PCDHA7: variants seen among roughly 807,000 people sequenced by gnomAD.
PCDHA7 encodes the protein protocadherin alpha 7, also known as protocadherin alpha-7.
PCDHA7 carries 37 observed loss-of-function variants against 57.2 expected under a neutral mutation model. The ratio of observed to expected loss-of-function variants is 0.65; its 90% CI spans 0.50 to 0.85. PCDHA7 has a LOEUF of 0.85. PCDHA7 is among the 40% of genes least tolerant of loss of function. The pLI, the probability that PCDHA7 is intolerant of heterozygous loss-of-function variation, is 0.00. For missense variants in PCDHA7, 1,188 were observed against 1,241.8 expected (o/e 0.96, Z 0.65); for synonymous variants, 553 against 558.8 (o/e 0.99, Z 0.15).
At chr5:140,988,294 G>A (rs2097291713) in intron 3 of PCDHA7, among the ~76,000 whole-genome samples, 1 of 152,206 alleles carries the variant, frequency 6.6e-6, no homozygotes, top group South Asian at 2.1e-4. Context: ...TGACAGCCCA[G>A]GAGTGCCAGC....
intron 1 of PCDHA7, chr5:140,875,947 G>A: frequency 6.2e-7 from 1 of 1,614,184 alleles, no homozygotes; most frequent in South Asian, 1.1e-5. Context: ...GGGCGCTTCT[G>A]ATGCGGATAT....
intron 1 of PCDHA7, chr5:140,875,272 A>G: frequency 1.6e-6 from 2 of 1,265,056 alleles, no homozygotes; most frequent in Non-Finnish European, 2.1e-6. Context: ...CTCTACACTC[A>G]GAAGGTGAAA....
intron 3 of PCDHA7, among the ~76,000 whole-genome samples, chr5:140,986,426 T>C (rs1405347449): frequency 1.3e-5 from 2 of 152,216 alleles, no homozygotes; most frequent in East Asian, 3.9e-4. Context: ...TTTAACTTCA[T>C]GAGTACTAAT....
chr5:140,938,760 T>C (rs574872397), intron 1 of PCDHA7, among the ~76,000 whole-genome samples: 2 of 152,286 alleles, frequency 1.3e-5, no homozygotes, highest in Admixed American at 1.3e-4. Flanking sequence ...GCATAGTTAT[T>C]GGGTACTAGA....
intron 1 of PCDHA7, among the ~76,000 whole-genome samples, chr5:140,940,295 G>A (rs1363509137): frequency 5.3e-5 from 8 of 152,110 alleles, no homozygotes; most frequent in Non-Finnish European, 1.0e-4. Flanking sequence ...TGCTTCATCA[G>A]TAATTTATTA....
intron 1 of PCDHA7, among the ~76,000 whole-genome samples, chr5:140,962,725 T>C (rs536695569): frequency 3.2e-4 from 48 of 152,210 alleles, no homozygotes; most frequent in Non-Finnish European, 5.9e-4. Flanking sequence ...AGTATTTTCC[T>C]TCTGGGGATG....
At chr5:140,969,948 G>A (rs1206322511) in intron 1 of PCDHA7, among the ~76,000 whole-genome samples, 3 of 152,198 alleles carry the variant, frequency 2.0e-5, no homozygotes, top group African/African-American at 7.2e-5. Context: ...TGAAGCTAAA[G>A]TTTGCTTTGG....
intron 3 of PCDHA7, among the ~76,000 whole-genome samples, chr5:140,995,371 C>T (rs143381591): frequency 1.3e-5 from 2 of 152,238 alleles, no homozygotes; most frequent in African/African-American, 2.4e-5. Flanking sequence ...GGATGATTCA[C>T]GTACTGGGCA....
chr5:140,909,268 A>C (rs946921668), intron 1 of PCDHA7, among the ~76,000 whole-genome samples: 1 of 152,240 alleles, frequency 6.6e-6, no homozygotes. Context: ...ACTGAAGGCA[A>C]ATTGCTTCTG....
chr5:140,853,384 C>G, intron 1 of PCDHA7: 1 of 985,584 alleles, frequency 1.0e-6, no homozygotes, highest in African/African-American at 1.8e-5. Context: ...AAATTCAAAA[C>G]AGCCTGTCAA....
chr5:140,942,615 A>G (rs1310858123), intron 1 of PCDHA7, among the ~76,000 whole-genome samples: 1 of 101,274 alleles, frequency 9.9e-6, no homozygotes, highest in African/African-American at 4.7e-5. Context: ...ATATTTGCCA[A>G]TTGTAAAAAA....
At chr5:140,947,655 A>G (rs942849633) in intron 1 of PCDHA7, among the ~76,000 whole-genome samples, 3 of 151,542 alleles carry the variant, frequency 2.0e-5, no homozygotes, top group Non-Finnish European at 4.4e-5. Context: ...ATATACCTCC[A>G]TTTACTTGGG....
chr5:140,882,094 C>T, intron 1 of PCDHA7: 1 of 1,172,684 alleles, frequency 8.5e-7, no homozygotes, highest in Non-Finnish European at 1.2e-6. Context: ...TCACTGAGAA[C>T]GTTTCCGCGA....
chr5:140,871,184 A>T, intron 1 of PCDHA7: 1 of 1,613,552 alleles, frequency 6.2e-7, no homozygotes, highest in Non-Finnish European at 8.5e-7. Flanking sequence ...GCGCTGGTGG[A>T]TGTCAACGTG....
At position 141,009,957 on chromosome 5, in the gene PCDHA7, G is replaced by A; in HGVS notation, c.*20G>A. The stretch of plus-strand genomic sequence containing the variant: ...CAGTGAGGTCCTCAAATGGAAACAA[G>A]CCACTTAGCCAGTTTTTGTAATAAT... On this transcript the variant is annotated 3_prime_UTR_variant, in exon 4 of 4. Transcript: ENST00000525929. 1 of 1,589,160 alleles carries A rather than the reference G, an allele frequency of 6.3e-7. No individual in the cohort carries two copies. Among genetic ancestry groups the A allele is most frequent in the Non-Finnish European group, 8.5e-7 (1 of 1,171,102 alleles).
intron 1 of PCDHA7, among the ~76,000 whole-genome samples, chr5:140,901,955 G>A (rs2069015305): frequency 6.6e-6 from 1 of 151,848 alleles, no homozygotes; most frequent in Admixed American, 6.6e-5. Flanking sequence ...TTTTATTCGT[G>A]GCTATCGTAA....
chr5:140,949,924 AT>A (rs144693243), intron 1 of PCDHA7, among the ~76,000 whole-genome samples: 8,382 of 151,404 alleles, frequency 0.055, 277 homozygotes, highest in Non-Finnish European at 0.077. Context: ...CTATTTTTAG[AT>A]TTTTTTTAAT....
In PCDHA7 at chr5:140,835,864, T is replaced by C. The variant is rs2150246825; in HGVS notation, c.1481T>C (p.Leu494Pro). 15 of 1,611,970 alleles carry C rather than the reference T, an allele frequency of 9.3e-6. No homozygotes were observed. The highest frequency in any genetic ancestry group is 1.2e-5 in the Non-Finnish European group (14 of 1,179,634). ...AQKNALVSYSLVELRVGERAL... is the reference protein window; with the variant it reads ...AQKNALVSYSPVELRVGERAL... ...AAGAACGCGCTGGTGTCCTACTCGC[T>C]GGTGGAGCTGCGGGTGGGCGAGCGC... The change falls in exon 1 of 4, where the codon CTG (leucine) becomes CCG (proline). Residue 494 changes from leucine (L) to proline (P), a missense_variant. Leu to Pro is a moderately conservative substitution (Grantham distance 98). Transcript: ENST00000525929.
chr5:141,007,037 T>C (rs1413139986), intron 3 of PCDHA7, among the ~76,000 whole-genome samples: 1 of 152,170 alleles, frequency 6.6e-6, no homozygotes, highest in Non-Finnish European at 1.5e-5. Flanking sequence ...TTTATATCTA[T>C]GGATATGGCT....
Sources: allele counts gnomAD v4.1 joint callset (sites outside exome capture counted in the v4.1 genomes callset), GRCh38; gene constraint gnomAD v4.1.1; transcripts MANE v1.5; gene names NCBI Gene and HGNC (gene_info 2026-07-23, HGNC 2026-07-21).